The following GRIK4 variants were observed in gnomAD, a reference collection of about 807,000 sequenced individuals.
GRIK4 encodes the protein glutamate ionotropic receptor kainate type subunit 4.
GRIK4 carries 40 observed loss-of-function variants against 104.9 expected under a neutral mutation model. The ratio of observed to expected loss-of-function variants is 0.38; its 90% CI spans 0.30 to 0.50. The LOEUF is 0.50. GRIK4 is among the 20% of genes least tolerant of loss of function. The pLI is 0.93. For missense variants in GRIK4, 1,047 were observed against 1,308.1 expected (o/e 0.80, Z 3.08); for synonymous variants, 485 against 524.9 (o/e 0.92, Z 1.04).
intron 3 of GRIK4, among the ~76,000 whole-genome samples, chr11:120,694,257 TG>T (rs1950407720): frequency 6.6e-6 from 1 of 152,172 alleles, no homozygotes; most frequent in African/African-American, 2.4e-5. Flanking sequence ...AAAAGAACCC[TG>T]GGCTAAATGT....
intron 3 of GRIK4, among the ~76,000 whole-genome samples, chr11:120,689,324 T>C (rs1411197982): frequency 2.0e-5 from 3 of 152,136 alleles, no homozygotes; most frequent in Non-Finnish European, 4.4e-5. Flanking sequence ...ATTCTAAATG[T>C]TGAACCCATG....
At chr11:120,628,582 G>C (rs900963896) in intron 1 of GRIK4, among the ~76,000 whole-genome samples, 8 of 152,194 alleles carry the variant, frequency 5.3e-5, no homozygotes, top group African/African-American at 1.9e-4. Flanking sequence ...GCCATGGAAA[G>C]GTTGATGGTC....
intron 1 of GRIK4, among the ~76,000 whole-genome samples, chr11:120,527,043 A>G (rs975192559): frequency 1.3e-5 from 2 of 152,198 alleles, no homozygotes. Context: ...AAGTGGGGAA[A>G]CTCAGTGAGG....
At position 120,940,854 on chromosome 11, in the gene GRIK4, C is replaced by T. The variant is rs1021108547; in HGVS notation, c.1590+394C>T. 9.2e-5 allele frequency among the ~76,000 whole-genome samples: 14 copies of T among 152,102 alleles called. No individual in the cohort carries two copies. Among genetic ancestry groups the T allele is most frequent in the South Asian group, 2.1e-4 (1 of 4,804 alleles). On this transcript the variant is annotated intron_variant, in intron 14 of 20. Transcript: ENST00000527524. The surrounding 1 kb of genome is among the most constrained non-coding windows in gnomAD (Gnocchi z 4.3). ...TGTTCACTTCTAGTGTTGCATTTGG[C>T]GAGGGAATGTAGATTCCTTCTCTCT...
intron 1 of GRIK4, among the ~76,000 whole-genome samples, chr11:120,563,340 C>T (rs891401459): frequency 6.6e-6 from 1 of 152,096 alleles, no homozygotes; most frequent in Non-Finnish European, 1.5e-5. Flanking sequence ...TGGGATCCAG[C>T]TTCTCTGGGC....
intron 1 of GRIK4, among the ~76,000 whole-genome samples, chr11:120,564,201 G>T (rs1015194170): frequency 1.3e-5 from 2 of 152,208 alleles, no homozygotes; most frequent in African/African-American, 2.4e-5. Flanking sequence ...CTGGCAACTC[G>T]CCCCGCTCAG....
At chr11:120,788,389 A>G (rs574744635) in intron 3 of GRIK4, among the ~76,000 whole-genome samples, 5 of 152,120 alleles carry the variant, frequency 3.3e-5, no homozygotes, top group Non-Finnish European at 7.3e-5. Flanking sequence ...CATTACCACC[A>G]GCCAAAAAGG....
At chr11:120,537,709 G>A (rs554245327) in intron 1 of GRIK4, among the ~76,000 whole-genome samples, 1 of 152,360 alleles carries the variant, frequency 6.6e-6, no homozygotes, top group South Asian at 2.1e-4. Context: ...TCGCCGCGCT[G>A]TGCAGCTTCC....
At position 120,785,128 on chromosome 11, in the gene GRIK4, G is replaced by A. The variant is rs954570315; in HGVS notation, c.83-17565G>A. On this transcript the variant is annotated intron_variant, in intron 3 of 20. Transcript: ENST00000527524. ...AGTCGTCCAGAAGGCTGTCACCGGC[G>A]GGCCATTAGACAAGACAAATGGGCA... is the stretch of plus-strand genomic sequence containing the variant. Among the ~76,000 whole-genome samples the A allele has an allele frequency of 1.7e-4, 26 of 152,032 alleles. 1 individual carries two copies. The highest frequency in any genetic ancestry group is 2.5e-4 in the Non-Finnish European group (17 of 68,022).
intron 11 of GRIK4, among the ~76,000 whole-genome samples, chr11:120,884,018 G>C (rs1249377078): frequency 6.6e-6 from 1 of 152,212 alleles, no homozygotes; most frequent in Non-Finnish European, 1.5e-5. Flanking sequence ...CCTGGGGAAA[G>C]AACAAAGGTG....
At chr11:120,961,484 T>C (rs899702099) in intron 17 of GRIK4, among the ~76,000 whole-genome samples, 1 of 152,216 alleles carries the variant, frequency 6.6e-6, no homozygotes, top group African/African-American at 2.4e-5. Context: ...ATTTAAATCG[T>C]ATAGGTAGTA....
chr11:120,960,162 C>G (rs1944257215), intron 16 of GRIK4, among the ~76,000 whole-genome samples: 2 of 152,180 alleles, frequency 1.3e-5, no homozygotes, highest in South Asian at 4.1e-4. Context: ...AACCCCGTCT[C>G]TACTAAGAAT....
chr11:120,596,588 A>C (rs563265237), intron 1 of GRIK4, among the ~76,000 whole-genome samples: 152 of 152,264 alleles, frequency 1.0e-3, no homozygotes, highest in African/African-American at 3.4e-3. Context: ...GTTGAAGTCT[A>C]TATGTAAGTC....
chr11:120,572,510 A>G (rs1025692188), intron 1 of GRIK4, among the ~76,000 whole-genome samples: 9 of 152,140 alleles, frequency 5.9e-5, no homozygotes, highest in African/African-American at 2.2e-4. Context: ...TCTCCTTCGC[A>G]GGCTGTCTTT....
At chr11:120,724,960 C>G (rs1188966766) in intron 3 of GRIK4, among the ~76,000 whole-genome samples, 1 of 152,168 alleles carries the variant, frequency 6.6e-6, no homozygotes, top group Non-Finnish European at 1.5e-5. Flanking sequence ...GTGCAAACAT[C>G]TGACTCTTTC....
chr11:120,806,793 G>A (rs977240345), intron 4 of GRIK4, among the ~76,000 whole-genome samples: 1 of 152,170 alleles, frequency 6.6e-6, no homozygotes, highest in Admixed American at 6.5e-5. Context: ...AGAAGCTAAC[G>A]ATGCTGGAAG....
chr11:120,658,727 CTTTTTTTTTTTTTTTTTTT>C lies in GRIK4; in HGVS notation c.-50-1521_-50-1503del, dbSNP rs71050753. On this transcript the variant is annotated intron_variant, in intron 2 of 20. Coordinates refer to ENST00000527524, the MANE Select transcript of GRIK4 (RefSeq NM_014619.5). The stretch of plus-strand genomic sequence containing the variant: ...TCTGTCTAGGGGTTGGAGGACGAAA[CTTTTTTTTTTTTTTTTTTT>C]TTTTTTTTTTTTTTTTTTTTGAGAC... Among the ~76,000 whole-genome samples the C allele has an allele frequency of 5.1e-4, 29 of 56,744 alleles. 3 individuals are homozygous for C. Among genetic ancestry groups the C allele is most frequent in the South Asian group, 2.6e-3 (3 of 1,154 alleles). 37.2% of individuals were successfully genotyped at this position (56,744 alleles called of 152,430 possible).
chr11:120,630,697 A>G (rs1331349468), intron 1 of GRIK4, among the ~76,000 whole-genome samples: 1 of 152,224 alleles, frequency 6.6e-6, no homozygotes, highest in Non-Finnish European at 1.5e-5. Context: ...AAGTGATTTA[A>G]AATTATCGTA....
chr11:120,779,990 C>G (rs961325484), intron 3 of GRIK4, among the ~76,000 whole-genome samples: 5 of 152,142 alleles, frequency 3.3e-5, no homozygotes, highest in African/African-American at 4.8e-5. Context: ...AGGCAGCTCT[C>G]AAGTGCCAGA....
Sources: allele counts gnomAD v4.1 joint callset (sites outside exome capture counted in the v4.1 genomes callset), GRCh38; gene constraint gnomAD v4.1.1; non-coding constraint Gnocchi (gnomAD v3.1); transcripts MANE v1.5; gene names NCBI Gene and HGNC (gene_info 2026-07-23, HGNC 2026-07-21).